The following GAB1 variants were observed in gnomAD, a reference collection of about 807,000 sequenced individuals.
GAB1 encodes GRB2 associated binding protein 1, also known as GRB2-associated-binding protein 1.
Under a neutral mutation model 66.5 loss-of-function variants are expected in GAB1, and 19 were observed. The observed-to-expected ratio is 0.29, with a 90% CI of 0.20 to 0.42. The LOEUF (loss-of-function observed/expected upper bound fraction) is 0.42. GAB1 is among the 10% of genes least tolerant of loss of function. The pLI, the probability that GAB1 is intolerant of heterozygous loss-of-function variation, is 1.00. For missense variants in GAB1, 732 were observed against 858.5 expected, an observed-to-expected ratio of 0.85 and a Z score of 1.84; for synonymous variants, 294 against 301.4, an observed-to-expected ratio of 0.98 and a Z score of 0.25.
intron 1 of GAB1, among the ~76,000 whole-genome samples, chr4:143,371,309 G>A (rs2149666428): frequency 6.6e-6 from 1 of 152,272 alleles, no homozygotes; most frequent in Admixed American, 6.5e-5. Context: ...GTGATGATGA[G>A]CATTTTTTCA....
intron 8 of GAB1, among the ~76,000 whole-genome samples, chr4:143,462,696 T>C (rs1735561261): frequency 6.6e-6 from 1 of 152,116 alleles, no homozygotes; most frequent in Non-Finnish European, 1.5e-5. Context: ...ATTCTCTTTC[T>C]GTCACCTAGG....
At chr4:143,350,054 G>C (rs1054676711) in intron 1 of GAB1, 1 of 1,532,164 alleles carries the variant, frequency 6.5e-7, no homozygotes, top group East Asian at 2.3e-5. Context: ...AAGCCACCGC[G>C]GTTCCCCATC....
chr4:143,440,734 G>A (rs1021427845), intron 6 of GAB1, among the ~76,000 whole-genome samples: 4 of 152,200 alleles, frequency 2.6e-5, no homozygotes, highest in Non-Finnish European at 5.9e-5. Flanking sequence ...TTGTTGACTT[G>A]TGAAATGATG....
chr4:143,386,438 G>C (rs1476523084), intron 1 of GAB1, among the ~76,000 whole-genome samples: 1 of 152,112 alleles, frequency 6.6e-6, no homozygotes, highest in African/African-American at 2.4e-5. Context: ...CCAGGCTGGA[G>C]TGGCAGTGGT....
intron 1 of GAB1, among the ~76,000 whole-genome samples, chr4:143,346,396 A>T (rs939978466): frequency 1.3e-5 from 2 of 152,202 alleles, no homozygotes; most frequent in African/African-American, 2.4e-5. Context: ...TGATGAAAGA[A>T]TTACCTGCCT....
rs147561804 is a variant in GAB1, at chr4:143,444,619, A to G, written c.1585+4237A>G. Among the ~76,000 whole-genome samples the G allele has an allele frequency of 9.2e-5, 14 of 152,172 alleles. No homozygotes were observed. In the East Asian group the frequency reaches 2.7e-3, roughly 29 times the overall value. ...AAAATTTTTATTCTTTTGTATTTCA[A>G]TTTTTATTTTAGTTTTAGGGGGGTG... is the stretch of plus-strand genomic sequence containing the variant. On this transcript the variant is annotated intron_variant, in intron 6 of 9. Coordinates refer to ENST00000262994, the MANE Select transcript of GAB1 (RefSeq NM_002039.4).
At chr4:143,460,738 T>C (rs975735613) in intron 8 of GAB1, among the ~76,000 whole-genome samples, 1 of 151,392 alleles carries the variant, frequency 6.6e-6, no homozygotes, top group Non-Finnish European at 1.5e-5. Context: ...GTTTCAGCTA[T>C]TTGGGAGGCT....
intron 1 of GAB1, among the ~76,000 whole-genome samples, chr4:143,355,281 C>G (rs1729397916): frequency 6.6e-6 from 1 of 152,178 alleles, no homozygotes; most frequent in Non-Finnish European, 1.5e-5. Flanking sequence ...GTTCTCATTA[C>G]CATTTCTATA....
intron 1 of GAB1, among the ~76,000 whole-genome samples, chr4:143,377,683 G>A (rs1730475878): frequency 6.6e-6 from 1 of 152,176 alleles, no homozygotes; most frequent in Non-Finnish European, 1.5e-5. Context: ...ACAGTTTGGG[G>A]ACAGAGGGGA....
chr4:143,378,788 T>C (rs1730530955), intron 1 of GAB1, among the ~76,000 whole-genome samples: 1 of 152,150 alleles, frequency 6.6e-6, no homozygotes, highest in African/African-American at 2.4e-5. Flanking sequence ...CTGGCCTCTC[T>C]CTGACCTTGT....
intron 4 of GAB1, 137 bp downstream of exon 4, chr4:143,438,737 C>A: frequency 1.2e-6 from 1 of 850,020 alleles, no homozygotes; most frequent in Non-Finnish European, 1.8e-6. Flanking sequence ...CTACAGCTAC[C>A]TGGAAGGGTA....
At chr4:143,427,695 C>T (rs2149738023) in intron 2 of GAB1, among the ~76,000 whole-genome samples, 1 of 152,236 alleles carries the variant, frequency 6.6e-6, no homozygotes, top group Non-Finnish European at 1.5e-5. Flanking sequence ...GGGCGTGTCC[C>T]ATAGTACAGA....
intron 8 of GAB1, among the ~76,000 whole-genome samples, chr4:143,461,866 C>T (rs1339582710): frequency 1.3e-5 from 2 of 152,212 alleles, no homozygotes; most frequent in African/African-American, 2.4e-5. Context: ...AGACTTTAGG[C>T]AGAACCAGCT....
chr4:143,442,747 G>A (rs1389034690), intron 6 of GAB1, among the ~76,000 whole-genome samples: 1 of 151,922 alleles, frequency 6.6e-6, no homozygotes, highest in Non-Finnish European at 1.5e-5. Context: ...GAACTTAATA[G>A]AACAGAATAA....
Position 143,361,909 on chromosome 4 carries a change from T to C in GAB1, c.72+24649T>C, listed in dbSNP as rs536923063. ...GGAGTTTTCAGCTTTTGAAGTGTTG[T>C]GTGTGGTTTTTTTTTGTTTTTTGTT... On this transcript the variant is annotated intron_variant, in intron 1 of 9. Transcript: ENST00000262994. Among the ~76,000 whole-genome samples the C allele has an allele frequency of 1.8e-4, 21 of 119,458 alleles. No individual in the cohort carries two copies. The East Asian group carries it at 4.2e-3, about 24-fold the overall frequency. 78.4% of individuals were successfully genotyped at this position (119,458 alleles called of 152,430 possible).
In GAB1 at chr4:143,399,309, C is replaced by T. The variant is rs546323935; in HGVS notation, c.73-16168C>T. Among the ~76,000 whole-genome samples, 18 of 152,254 alleles carry T rather than the reference C, an allele frequency of 1.2e-4. No homozygotes were observed. The South Asian group carries it at 2.3e-3, about 19-fold the overall frequency. ...TCCTTAAAAGGCAATGATCAAAAGT[C>T]CAAAGGTGCACAAGGAAATAGTTAA... On this transcript the variant is annotated intron_variant, in intron 1 of 9. Coordinates refer to ENST00000262994, the MANE Select transcript of GAB1 (RefSeq NM_002039.4).
At chr4:143,432,799 A>G (rs1045866908) in intron 2 of GAB1, among the ~76,000 whole-genome samples, 1 of 152,150 alleles carries the variant, frequency 6.6e-6, no homozygotes, top group Admixed American at 6.6e-5. Context: ...AGCTCTTTTC[A>G]TATTTCTCTC....
chr4:143,361,087 C>T (rs1233570358), intron 1 of GAB1, among the ~76,000 whole-genome samples: 1 of 151,874 alleles, frequency 6.6e-6, no homozygotes, highest in Non-Finnish European at 1.5e-5. Context: ...CATAGTTAAG[C>T]AGGGGGTTAA....
intron 8 of GAB1, among the ~76,000 whole-genome samples, chr4:143,463,310 A>G (rs1289790765): frequency 6.6e-6 from 1 of 152,190 alleles, no homozygotes; most frequent in African/African-American, 2.4e-5. Context: ...ATGATTTTAC[A>G]TAATTTTTAA....
Sources: gnomAD v4.1 joint callset for allele counts (sites outside exome capture counted in the v4.1 genomes callset) on GRCh38, gnomAD v4.1.1 for gene constraint, MANE v1.5 for transcripts, NCBI Gene and HGNC (gene_info 2026-07-23, HGNC 2026-07-21) for gene names.